Variants in ADAMTS14 observed in about 807,000 individuals in gnomAD.
ADAMTS14 encodes the protein ADAM metallopeptidase with thrombospondin type 1 motif 14.
In ADAMTS14, 100 loss-of-function variants were observed where a neutral mutation model predicts 128.6. The observed-to-expected ratio is 0.78, with a 90% CI of 0.66 to 0.92. The LOEUF (loss-of-function observed/expected upper bound fraction) is 0.92. Among genes scored for constraint, ADAMTS14 ranks in the 40% least tolerant of loss-of-function variants. ADAMTS14 has a pLI of 0.00. For missense variants in ADAMTS14, 1,562 were observed against 1,658.6 expected (o/e 0.94, Z 1.01); for synonymous variants, 665 against 653.8 (o/e 1.02, Z -0.26).
intron 4 of ADAMTS14, 34 bp downstream of exon 4, chr10:70,708,812 G>T: frequency 7.4e-7 from 1 of 1,356,692 alleles, no homozygotes; most frequent in Non-Finnish European, 9.9e-7. Flanking sequence ...CTTGGGGGGA[G>T]TGGGGTGGGG....
intron 4 of ADAMTS14, among the ~76,000 whole-genome samples, chr10:70,710,288 C>T (rs527472210): frequency 1.2e-3 from 177 of 152,354 alleles, no homozygotes; most frequent in Non-Finnish European, 2.1e-3. Context: ...CATAAACATT[C>T]ATCTGGAACA....
At chr10:70,736,951 G>A (rs1304511243) in intron 10 of ADAMTS14, among the ~76,000 whole-genome samples, 158 bp downstream of exon 10, 2 of 152,094 alleles carry the variant, frequency 1.3e-5, no homozygotes, top group Admixed American at 1.3e-4. Context: ...CAGTGTGTGG[G>A]TAAATACACG....
chr10:70,743,677 G>A lies in ADAMTS14; in HGVS notation c.2054G>A (p.Cys685Tyr). The A allele has an allele frequency of 1.3e-6, 2 of 1,588,090 alleles. No homozygotes were observed. The highest frequency in any genetic ancestry group is 1.3e-5 in the African/African-American group (1 of 74,292). ...TACAGCGTCTGTGCGCGTGGCGAGT[G>A]TGTGGTGGGTGCACCCCCAGCCACC... ...DPYSVCARGE[C>Y]VPVGCDKEVG... is the part of the protein sequence containing the mutation. The change falls in exon 13 of 22, where the codon TGT (cysteine) becomes TAT (tyrosine). Residue 685 changes from cysteine to tyrosine, a missense_variant. Coordinates refer to ENST00000373207, the MANE Select transcript of ADAMTS14 (RefSeq NM_080722.4).
At chr10:70,727,475 G>A (rs543896507) in intron 4 of ADAMTS14, among the ~76,000 whole-genome samples, 2 of 152,350 alleles carry the variant, frequency 1.3e-5, no homozygotes, top group Admixed American at 6.5e-5. Context: ...CTCCTAGGAA[G>A]CCATGTGGGC....
chr10:70,731,609 C>T (rs1172231271), intron 6 of ADAMTS14, among the ~76,000 whole-genome samples: 1 of 152,202 alleles, frequency 6.6e-6, no homozygotes, highest in East Asian at 1.9e-4. Context: ...CTGTGTCCTC[C>T]CCACCTCTGA....
intron 2 of ADAMTS14, among the ~76,000 whole-genome samples, chr10:70,683,333 G>C (rs981650305): frequency 6.6e-6 from 1 of 152,220 alleles, no homozygotes; most frequent in African/African-American, 2.4e-5. Context: ...GGAAATACTG[G>C]GTACCTCTCG....
chr10:70,708,609 C>G lies in ADAMTS14; in HGVS notation c.701C>G (p.Pro234Arg), dbSNP rs1204485333. Residue 234 changes from proline (P) to arginine (R), a missense_variant, in exon 4 of 22, where the codon CCC becomes CGC. By Grantham distance (103) the Pro-to-Arg change is moderately radical (BLOSUM62 -2). Transcript: ENST00000373207. ...HNEAFGLGDL[P>R]NLLGLVGDQL... Reference sequence around the variant, plus strand: ...CCAGCCTTTGGCCTGGGAGACCTTCCCAACCTGCTGGGCCTGGTGGGGGAC... The same window carrying G: ...CCAGCCTTTGGCCTGGGAGACCTTCGCAACCTGCTGGGCCTGGTGGGGGAC... 6.2e-6 allele frequency: 10 copies of G among 1,607,426 alleles called. No homozygotes were observed. Among genetic ancestry groups the G allele is most frequent in the Non-Finnish European group, 7.7e-6 (9 of 1,174,848 alleles).
intron 19 of ADAMTS14, 127 bp downstream of exon 19, chr10:70,754,134 T>A (rs955591252): frequency 2.2e-6 from 2 of 925,836 alleles, no homozygotes; most frequent in Admixed American, 2.9e-5. Context: ...TTTGTTTTCC[T>A]TAAAGTAGAA....
intron 4 of ADAMTS14, among the ~76,000 whole-genome samples, chr10:70,709,343 G>C (rs1466379542): frequency 6.6e-6 from 1 of 152,182 alleles, no homozygotes; most frequent in Non-Finnish European, 1.5e-5. Flanking sequence ...CGTGCCCTTA[G>C]CTGCTGCCTG....
intron 2 of ADAMTS14, among the ~76,000 whole-genome samples, chr10:70,691,157 G>A (rs539918961): frequency 1.4e-5 from 2 of 144,640 alleles, no homozygotes; most frequent in Admixed American, 1.4e-4. Context: ...TGTTGGCGGG[G>A]AAGGGGAGTA....
intron 2 of ADAMTS14, among the ~76,000 whole-genome samples, chr10:70,676,775 G>C (rs1477472656): frequency 1.3e-5 from 2 of 152,110 alleles, no homozygotes; most frequent in African/African-American, 4.8e-5. Context: ...CACAAGTTTT[G>C]GTGGAAAATC....
chr10:70,674,476 C>T lies in ADAMTS14; in HGVS notation c.83-80C>T, dbSNP rs889679323. 9 of 1,444,400 alleles carry T rather than the reference C, an allele frequency of 6.2e-6. No individual in the cohort carries two copies. In the African/African-American group the frequency reaches 9.8e-5, roughly 16 times the overall value. 89.5% of individuals were successfully genotyped at this position (1,444,400 alleles called of 1,614,324 possible). ...GGTGACACTGAGAGTTCCTATCCCT[C>T]CCTGCCCGCGTGGGATTTCTGACTT... On this transcript the variant is annotated intron_variant, in intron 1 of 21. Coordinates refer to ENST00000373207, the MANE Select transcript of ADAMTS14 (RefSeq NM_080722.4).
Position 70,735,166 on chromosome 10 carries a change from C to T in ADAMTS14, c.1353-3C>T. 1 of 1,610,812 alleles carries T rather than the reference C, an allele frequency of 6.2e-7. No individual in the cohort carries two copies. The highest frequency in any genetic ancestry group is 1.1e-5 in the South Asian group (1 of 90,464). On this transcript the variant is annotated splice_region_variant and splice_polypyrimidine_tract_variant and intron_variant, in intron 8 of 21. Transcript: ENST00000373207. The stretch of plus-strand genomic sequence containing the variant: ...GGCTCACCTTCCTTGTCTCTACTGG[C>T]AGCTCCTACGACTGCCTCCTCGATG...
chr10:70,683,088 C>A lies in ADAMTS14; in HGVS notation c.522+8093C>A, dbSNP rs576498369. Among the ~76,000 whole-genome samples the A allele has an allele frequency of 4.6e-5, 7 of 152,364 alleles. No individual in the cohort carries two copies. The South Asian group carries it at 1.4e-3, about 32-fold the overall frequency. ...ACGCACACTGCCATTTGCCCTCCTGCGCCCTGGCAGGCCCTGCAGGCCCGC... is the reference window on the plus strand; with the variant it reads ...ACGCACACTGCCATTTGCCCTCCTGAGCCCTGGCAGGCCCTGCAGGCCCGC... On this transcript the variant is annotated intron_variant, in intron 2 of 21. Coordinates refer to ENST00000373207, the MANE Select transcript of ADAMTS14 (RefSeq NM_080722.4).
In ADAMTS14 at chr10:70,760,621, G is replaced by C. The variant is rs145186537; in HGVS notation, c.3440G>C (p.Arg1147Pro). The change falls in exon 22 of 22, where the codon CGA becomes CCA. Residue 1147 changes from arginine to proline, a missense_variant. Arg to Pro is a moderately radical substitution (Grantham distance 103). Transcript: ENST00000373207. ...GGATCAGAGGACCATCAGCATGGCCGAGCCACACAGCTCCCAGGAGCTCTG... is the reference window on the plus strand; with the variant it reads ...GGATCAGAGGACCATCAGCATGGCCCAGCCACACAGCTCCCAGGAGCTCTG... ...PTGSEDHQHGRATQLPGALDT... is the reference protein window; with the variant it reads ...PTGSEDHQHGPATQLPGALDT... 6.2e-7 allele frequency: 1 copy of C among 1,614,110 alleles called. No homozygotes were observed.
In ADAMTS14 at chr10:70,749,745, C is replaced by T. The variant is rs1842293853; in HGVS notation, c.2264-77C>T. On this transcript the variant is annotated intron_variant, in intron 15 of 21. Coordinates refer to ENST00000373207, the MANE Select transcript of ADAMTS14 (RefSeq NM_080722.4). The stretch of plus-strand genomic sequence containing the variant: ...AGCCCAGAAGGCTCACTGGGAAGGC[C>T]TTGAATTTCATATTCATGGCCCGCC... 2.6e-6 allele frequency: 4 copies of T among 1,530,538 alleles called. No individual in the cohort carries two copies. In the African/African-American group the frequency reaches 4.1e-5, roughly 16 times the overall value. The allele number at this position is 1,530,538 out of a possible 1,614,324, so 94.8% of individuals were successfully genotyped here.
chr10:70,713,155 T>G (rs966275843), intron 4 of ADAMTS14, among the ~76,000 whole-genome samples: 2 of 152,336 alleles, frequency 1.3e-5, no homozygotes, highest in African/African-American at 4.8e-5. Flanking sequence ...TGAATTCTGT[T>G]GCTTGGCTTC....
chr10:70,679,679 G>T (rs1387918217), intron 2 of ADAMTS14, among the ~76,000 whole-genome samples: 3 of 152,266 alleles, frequency 2.0e-5, no homozygotes, highest in Admixed American at 6.5e-5. Context: ...TGGCTGCACC[G>T]TGTTTCCCCC....
At chr10:70,760,205 C>G (rs1842572683) in intron 21 of ADAMTS14, among the ~76,000 whole-genome samples, 155 bp from the exon 22 acceptor site, 1 of 152,136 alleles carries the variant, frequency 6.6e-6, no homozygotes, top group Non-Finnish European at 1.5e-5. Flanking sequence ...CGTCAGGTGG[C>G]TCTGTAGCCC....
Sources: allele counts gnomAD v4.1 joint callset (sites outside exome capture counted in the v4.1 genomes callset), GRCh38; gene constraint gnomAD v4.1.1; transcripts MANE v1.5; gene names NCBI Gene and HGNC (gene_info 2026-07-23, HGNC 2026-07-21).